BFSP1: variants seen among roughly 807,000 people sequenced by gnomAD.
The protein encoded by BFSP1 is beaded filament structural protein 1.
Under a neutral mutation model 43.9 loss-of-function variants are expected in BFSP1, and 38 were observed. The ratio of observed to expected loss-of-function variants is 0.87; its 90% confidence interval spans 0.67 to 1.14. BFSP1 has a LOEUF of 1.14. BFSP1 is among the 50% of genes most tolerant of loss of function. The pLI is 0.00. For missense variants in BFSP1, 850 were observed against 875.1 expected (o/e 0.97, Z 0.36); for synonymous variants, 352 against 354.8 (o/e 0.99, Z 0.09).
At chr20:17,552,542 T>C (rs908826609) in intron 1 of BFSP1, among the ~76,000 whole-genome samples, 42 of 152,308 alleles carry the variant, frequency 2.8e-4, no homozygotes, top group African/African-American at 8.2e-4. Context: ...ATGGCTTTCA[T>C]GGCTGTGCTG....
chr20:17,522,004 T>C (rs1205061098), intron 2 of BFSP1, among the ~76,000 whole-genome samples: 1 of 152,126 alleles, frequency 6.6e-6, no homozygotes, highest in Non-Finnish European at 1.5e-5. Flanking sequence ...GGGCCATGCA[T>C]GTTCCCAGAG....
intron 1 of BFSP1, among the ~76,000 whole-genome samples, chr20:17,544,600 T>G (rs1236293723): frequency 6.6e-6 from 1 of 152,162 alleles, no homozygotes; most frequent in Non-Finnish European, 1.5e-5. Flanking sequence ...AGAAATAAAT[T>G]ACCTAACTTA....
rs779514378 is a variant in BFSP1, at chr20:17,514,709, G to A, written c.534+12C>T. 3.7e-6 allele frequency: 6 copies of A among 1,612,786 alleles called. No homozygotes were observed. The South Asian group carries it at 6.6e-5, about 18-fold the overall frequency. ...GTTTTCTAGAGGAAGGGCTTCAAGG[G>A]GTCATGATTACCTTCTTGTGCCTGT... On this transcript the variant is annotated intron_variant, in intron 3 of 7. Coordinates refer to ENST00000377873, the MANE Select transcript of BFSP1 (RefSeq NM_001195.5).
chr20:17,537,255 G>A (rs774915033), intron 1 of BFSP1, among the ~76,000 whole-genome samples: 1 of 152,158 alleles, frequency 6.6e-6, no homozygotes, highest in African/African-American at 2.4e-5. Context: ...GGAGTAAAAG[G>A]GCAGGCAGAC....
chr20:17,530,857 G>T, intron 1 of BFSP1, 96 bp downstream of exon 1: 1 of 1,254,618 alleles, frequency 8.0e-7, no homozygotes, highest in South Asian at 2.5e-5. Flanking sequence ...ACCAGAGACG[G>T]CGCTCCACCC....
chr20:17,526,738 T>A (rs542232976), intron 1 of BFSP1, among the ~76,000 whole-genome samples: 1 of 152,366 alleles, frequency 6.6e-6, no homozygotes, highest in South Asian at 2.1e-4. Context: ...TTTGAGGAAC[T>A]GCCATACTGT....
At chr20:17,542,355 C>A (rs149492702) in intron 1 of BFSP1, among the ~76,000 whole-genome samples, 120 of 149,910 alleles carry the variant, frequency 8.0e-4, no homozygotes, top group African/African-American at 2.7e-3. Context: ...TTTAGGAGGC[C>A]GAGATAGGAG....
chr20:17,526,746 T>G (rs908277707), intron 1 of BFSP1, among the ~76,000 whole-genome samples: 2 of 152,246 alleles, frequency 1.3e-5, no homozygotes, highest in Non-Finnish European at 2.9e-5. Context: ...ACTGCCATAC[T>G]GTTTTCCACA....
intron 1 of BFSP1, among the ~76,000 whole-genome samples, chr20:17,537,589 A>G (rs923237527): frequency 6.6e-6 from 1 of 151,112 alleles, no homozygotes; most frequent in African/African-American, 2.4e-5. Context: ...AAAAAAAAAA[A>G]CAAATTTGTG....
upstream of BFSP1, among the ~76,000 whole-genome samples, chr20:17,531,645 A>G (rs1457552388): frequency 6.6e-6 from 1 of 152,210 alleles, no homozygotes; most frequent in African/African-American, 2.4e-5. Flanking sequence ...CACGGGAGCC[A>G]TGACGCTCTT....
At chr20:17,565,131 A>G (rs986140019) in intron 1 of BFSP1, among the ~76,000 whole-genome samples, 1 of 152,050 alleles carries the variant, frequency 6.6e-6, no homozygotes, top group Non-Finnish European at 1.5e-5. Context: ...CTCCCACCCT[A>G]TTTAACACTT....
intron 3 of BFSP1, among the ~76,000 whole-genome samples, chr20:17,513,092 C>T (rs771962691): frequency 1.3e-5 from 2 of 152,178 alleles, no homozygotes; most frequent in Admixed American, 6.5e-5. Context: ...AAAAGACCAA[C>T]TCTCTCAACT....
chr20:17,505,104 A>G (rs2033902505), intron 5 of BFSP1, among the ~76,000 whole-genome samples: 1 of 152,198 alleles, frequency 6.6e-6, no homozygotes, highest in Non-Finnish European at 1.5e-5. Context: ...CTCTCAGTCC[A>G]TGCAATTTAG....
At position 17,531,303 on chromosome 20, in the gene BFSP1, C is replaced by A; in HGVS notation, c.27G>T (p.Gln9His). MYRRSYVF[Q>H]TRKEQYEHAD... ...CGTGCTCGTACTGCTCCTTGCGGGT[C>A]TGGAAGACGTAGCTGCGCCGGTACA... The change falls in exon 1 of 8, where the codon CAG becomes CAT. Residue 9 changes from glutamine (Q) to histidine (H), a missense_variant. Physicochemically the swap from Gln to His is conservative, Grantham distance 24. Coordinates refer to ENST00000377873, the MANE Select transcript of BFSP1 (RefSeq NM_001195.5). The A allele has an allele frequency of 1.4e-6, 2 of 1,474,348 alleles. No homozygotes were observed. Among genetic ancestry groups the A allele is most frequent in the South Asian group, 2.6e-5 (2 of 77,326 alleles). The allele number at this position is 1,474,348 out of a possible 1,614,324, so 91.3% of individuals were successfully genotyped here. A position where few individuals can be genotyped will look rare whatever the true frequency, so the allele number is the denominator to read the frequency against.
chr20:17,508,423 T>C (rs2033992480), intron 5 of BFSP1, among the ~76,000 whole-genome samples: 1 of 152,212 alleles, frequency 6.6e-6, no homozygotes. Flanking sequence ...TCTTGCCGGG[T>C]TGTAATCAAA....
intron 5 of BFSP1, 85 bp from the exon 6 acceptor site, chr20:17,499,125 G>A (rs577525534): frequency 4.7e-5 from 56 of 1,184,094 alleles, no homozygotes; most frequent in South Asian, 3.2e-4. Context: ...ACCTGGACTC[G>A]GTGAATGTTT....
rs776948974 is a variant in BFSP1 at position 17,531,033 on chromosome 20, G to A, written c.297C>T (p.Val99=). The change falls in exon 1 of 8, where the codon GTC becomes GTT. Residue 99 remains valine (V), a synonymous_variant. Transcript: ENST00000377873. ...GGGCGCGCTCGGCCTCCAGGTCCCG[G>A]ACGCGCTGGCGGTTGCTCTCGACTT... ...ARQVESNRQR[V]RDLEAERARL... 21 of 1,422,736 alleles carry A rather than the reference G, an allele frequency of 1.5e-5. No homozygotes were observed. Among genetic ancestry groups the A allele is most frequent in the African/African-American group, 1.5e-5 (1 of 66,920 alleles). 88.1% of individuals were successfully genotyped at this position (1,422,736 alleles called of 1,614,324 possible).
rs2033584380 is a variant in BFSP1 at position 17,494,649 on chromosome 20, C to T, written c.1423G>A (p.Gly475Arg). Residue 475 changes from glycine to arginine, a missense_variant, in exon 8 of 8, where the codon GGG (glycine) becomes AGG (arginine). Gly to Arg is a moderately radical substitution (Grantham distance 125, BLOSUM62 -2). Coordinates refer to ENST00000377873, the MANE Select transcript of BFSP1 (RefSeq NM_001195.5). The stretch of plus-strand genomic sequence containing the variant: ...CTAGGGTCCACGTAATTGGCATCCC[C>T]TGTGACCAGCACGTGCCGCTCTTTG... ...YTKERHVLVT[G>R]DANYVDPRFY... 2 of 1,614,080 alleles carry T rather than the reference C, an allele frequency of 1.2e-6. No homozygotes were observed. The highest frequency in any genetic ancestry group is 2.7e-5 in the African/African-American group (2 of 74,914).
intron 1 of BFSP1, among the ~76,000 whole-genome samples, chr20:17,529,418 T>C (rs1184281234): frequency 1.3e-5 from 2 of 152,140 alleles, no homozygotes; most frequent in Non-Finnish European, 2.9e-5. Context: ...AGATGTTCTG[T>C]TAAAAGTCTC....
Sources: allele counts gnomAD v4.1 joint callset (sites outside exome capture counted in the v4.1 genomes callset), GRCh38; gene constraint gnomAD v4.1.1; transcripts MANE v1.5; gene names NCBI Gene and HGNC (gene_info 2026-07-23, HGNC 2026-07-21).